The following COX7A2L variants were observed in gnomAD, a reference collection of about 807,000 sequenced individuals.
COX7A2L encodes cytochrome c oxidase subunit 7A2 like.
COX7A2L carries 18 observed loss-of-function variants against 14.2 expected under a neutral mutation model. That is an observed-to-expected ratio of 1.27 (90% CI 0.88 to 1.88). The LOEUF is 1.88. COX7A2L is among the 40% of genes most tolerant of loss of function. The pLI, the probability that COX7A2L is intolerant of heterozygous loss-of-function variation, is 0.00. For missense variants in COX7A2L, 179 were observed against 138.8 expected (o/e 1.29, Z -1.46); for synonymous variants, 65 against 57.4 (o/e 1.13, Z -0.60).
chr2:42,347,071 G>A (rs1670512059), downstream of COX7A2L, among the ~76,000 whole-genome samples: 1 of 152,046 alleles, frequency 6.6e-6, no homozygotes. Flanking sequence ...TCACCATGTT[G>A]CCCAGGCTGG....
intron 1 of COX7A2L, among the ~76,000 whole-genome samples, chr2:42,354,030 AG>A (rs1670735969): frequency 6.6e-6 from 1 of 152,210 alleles, no homozygotes; most frequent in South Asian, 2.1e-4. Flanking sequence ...CAGCAAAGTC[AG>A]AAGAGGGAAC....
rs571595315 is a variant in COX7A2L, at chr2:42,342,301, C to T, written c.193-8432G>A. ...AGCTGCCCTTCCCTGCTCTCTCCCT[C>T]TCCCTAGGAGAGCTGAGACGAGGGA... On this transcript the variant is annotated intron_variant, in intron 2 of 2. Coordinates refer to the COX7A2L transcript ENST00000468711. The surrounding 1 kb of genome is among the most constrained non-coding windows in gnomAD (Gnocchi z 4.9). 6.6e-6 allele frequency among the ~76,000 whole-genome samples: 1 copy of T among 152,224 alleles called. No homozygotes were observed. Among genetic ancestry groups the T allele is most frequent in the East Asian group, 1.9e-4 (1 of 5,166 alleles).
In COX7A2L at chr2:42,353,777, T is replaced by TAAAC. The variant is rs1471004085; in HGVS notation, c.73-438_73-435dup. On this transcript the variant is annotated intron_variant, in intron 1 of 2. Coordinates refer to ENST00000234301, the MANE Select transcript of COX7A2L (RefSeq NM_004718.4). ...CAGGCTTACTGGTTTAAAACAAAAC[T>TAAAC]AAACAAACAAACAAACAATACTTGC... Among the ~76,000 whole-genome samples, 6 of 151,910 alleles carry TAAAC rather than the reference T, an allele frequency of 3.9e-5. No homozygotes were observed. In the South Asian group the frequency reaches 1.0e-3, roughly 26 times the overall value.
intron 1 of COX7A2L, among the ~76,000 whole-genome samples, chr2:42,357,403 G>A (rs1195256053): frequency 6.6e-6 from 1 of 152,128 alleles, no homozygotes; most frequent in African/African-American, 2.4e-5. Flanking sequence ...CAATCTCCTA[G>A]GCTCAAGTGA....
chr2:42,355,261 C>T (rs971251369), intron 1 of COX7A2L, among the ~76,000 whole-genome samples: 1 of 152,190 alleles, frequency 6.6e-6, no homozygotes, highest in Non-Finnish European at 1.5e-5. Flanking sequence ...TAACAAGAAT[C>T]ATGGTTTGAA....
chr2:42,352,969 T>C, intron 2 of COX7A2L: 1 of 552,922 alleles, frequency 1.8e-6, no homozygotes, highest in Non-Finnish European at 3.1e-6. Context: ...GAGCTATTCA[T>C]GCCATTTCAA....
At chr2:42,353,161 T>C (rs1365515833) in intron 2 of COX7A2L, 51 bp downstream of exon 2, 2 of 1,589,106 alleles carry the variant, frequency 1.3e-6, no homozygotes, top group Non-Finnish European at 1.7e-6. Context: ...AAGGGATTTT[T>C]TAAGCCTATT....
rs1196509977 is a variant in COX7A2L at position 42,353,214 on chromosome 2, G to T, written c.202C>A (p.Gln68Lys). 5 of 1,613,556 alleles carry T rather than the reference G, an allele frequency of 3.1e-6. No homozygotes were observed. Among genetic ancestry groups the T allele is most frequent in the Non-Finnish European group, 4.2e-6 (5 of 1,179,894 alleles). Residue 68 changes from glutamine (Q) to lysine (K), a missense_variant and splice_region_variant, in exon 2 of 3, where the codon CAG becomes AAG. Gln to Lys is a moderately conservative substitution (Grantham distance 53). Coordinates refer to ENST00000234301, the MANE Select transcript of COX7A2L (RefSeq NM_004718.4). Reference protein sequence around the residue: ...NKVPELQKFFQKADGVPVYLK... With the variant: ...NKVPELQKFFKKADGVPVYLK... ...TGTTGTAGAGTATCTTCCCTCACCT[G>T]GAAAAACTTTTGTAGCTCTGGAACT...
intron 2 of COX7A2L, among the ~76,000 whole-genome samples, chr2:42,337,270 A>G (rs1475767871): frequency 6.6e-6 from 1 of 152,202 alleles, no homozygotes; most frequent in Admixed American, 6.5e-5. Context: ...CAACCCACAC[A>G]GTGGAATAAT....
At chr2:42,361,666 TGTGCTGCGG>T, upstream of COX7A2L, 1 of 153,230 alleles carries the variant, frequency 6.5e-6, no homozygotes, top group South Asian at 1.9e-4. Context: ...CGAGAGAGTC[TGTGCTGCGG>T]AGCCACCGTC....
In COX7A2L at chr2:42,351,209, G is replaced by A; in HGVS notation, c.*10C>T. 2 of 1,611,986 alleles carry A rather than the reference G, an allele frequency of 1.2e-6. No homozygotes were observed. The highest frequency in any genetic ancestry group is 2.2e-5 in the East Asian group (1 of 44,820). Reference sequence around the variant, plus strand: ...ATGCCAAAAAACAAACCAGTCCTCTGCAGCCTAACTCATTTGTTTTTGGGC... The same window carrying A: ...ATGCCAAAAAACAAACCAGTCCTCTACAGCCTAACTCATTTGTTTTTGGGC... On this transcript the variant is annotated 3_prime_UTR_variant, in exon 3 of 3. Coordinates refer to ENST00000234301, the MANE Select transcript of COX7A2L (RefSeq NM_004718.4).
Position 42,340,643 on chromosome 2 carries a change from T to C in COX7A2L, c.193-6774A>G, listed in dbSNP as rs1199013704. On this transcript the variant is annotated intron_variant, in intron 2 of 2. Coordinates refer to the COX7A2L transcript ENST00000468711. Reference sequence around the variant, plus strand: ...GGCGCACCCGAGATGCCCTCACACCTCAGTGCATGCCTTCCCCATGTCCTC... The same window carrying C: ...GGCGCACCCGAGATGCCCTCACACCCCAGTGCATGCCTTCCCCATGTCCTC... Among the ~76,000 whole-genome samples the C allele has an allele frequency of 2.6e-5, 4 of 151,738 alleles. No individual in the cohort carries two copies. The East Asian group carries it at 7.7e-4, about 29-fold the overall frequency.
At chr2:42,337,002 T>C (rs138253042) in intron 2 of COX7A2L, among the ~76,000 whole-genome samples, 1 of 152,372 alleles carries the variant, frequency 6.6e-6, no homozygotes, top group East Asian at 1.9e-4. Context: ...ACAAACTTTG[T>C]ATATTTTAGA....
intron 1 of COX7A2L, among the ~76,000 whole-genome samples, chr2:42,355,455 G>A (rs1213580507): frequency 6.6e-6 from 1 of 152,076 alleles, no homozygotes; most frequent in Admixed American, 6.5e-5. Context: ...ATTTTTGAAG[G>A]GATTGTATTT....
chr2:42,362,706 C>T (rs1292235419), upstream of COX7A2L, among the ~76,000 whole-genome samples: 2 of 152,174 alleles, frequency 1.3e-5, no homozygotes, highest in Non-Finnish European at 2.9e-5. Flanking sequence ...AAGTATTCAG[C>T]ACCGCCAATA....
chr2:42,339,467 G>A lies in COX7A2L; in HGVS notation c.193-5598C>T, dbSNP rs1038950930. 2.0e-5 allele frequency among the ~76,000 whole-genome samples: 3 copies of A among 152,108 alleles called. No individual in the cohort carries two copies. Among genetic ancestry groups the A allele is most frequent in the African/African-American group, 2.4e-5 (1 of 41,420 alleles). ...TTACTCCTGCCTCTACAGAGCTGGC[G>A]CGGTGGCTTGAGCTCCAGGCATGTG... On this transcript the variant is annotated intron_variant, in intron 2 of 2. Coordinates refer to the COX7A2L transcript ENST00000468711. This position sits in a 1 kb window ranked among gnomAD's most constrained non-coding sequence, Gnocchi z 5.4.
At chr2:42,346,876 A>G (rs539289185), downstream of COX7A2L, among the ~76,000 whole-genome samples, 1 of 152,204 alleles carries the variant, frequency 6.6e-6, no homozygotes, top group East Asian at 1.9e-4. Context: ...TGAGCTATCT[A>G]TTCATGTACT....
upstream of COX7A2L, among the ~76,000 whole-genome samples, chr2:42,364,056 A>AT (rs1365174691): frequency 1.3e-5 from 2 of 152,052 alleles, no homozygotes; most frequent in Admixed American, 6.6e-5. Context: ...AAATTCTCTC[A>AT]TTTTTTCCAA....
Position 42,351,269 on chromosome 2 carries a change from T to C in COX7A2L, c.295A>G (p.Ile99Val), listed in dbSNP as rs150597431. Residue 99 changes from isoleucine (I) to valine (V), a missense_variant, in exon 3 of 3, where the codon ATC becomes GTC. Coordinates refer to ENST00000234301, the MANE Select transcript of COX7A2L (RefSeq NM_004718.4). ...ATGTAGAGGGCGATCAGGCAGTAGA[T>C]GGTCCCTCCCACAGTCAGCGCCATG... ...TTMALTVGGT[I>V]YCLIALYMAS... The C allele has an allele frequency of 6.9e-4, 1,113 of 1,614,232 alleles. 10 individuals carry two copies. In the East Asian group the frequency reaches 0.019, roughly 28 times the overall value.
Sources: allele counts gnomAD v4.1 joint callset (sites outside exome capture counted in the v4.1 genomes callset), GRCh38; gene constraint gnomAD v4.1.1; non-coding constraint Gnocchi (gnomAD v3.1); transcripts MANE v1.5; gene names NCBI Gene and HGNC (gene_info 2026-07-23, HGNC 2026-07-21).